The following BTNL9 variants were observed in gnomAD, a reference collection of about 807,000 sequenced individuals.
BTNL9 encodes the protein butyrophilin like 9.
BTNL9 carries 45 observed loss-of-function variants against 45.8 expected under a neutral mutation model. The observed-to-expected ratio is 0.98, with a 90% confidence interval of 0.77 to 1.26. The LOEUF (loss-of-function observed/expected upper bound fraction) is 1.26. BTNL9 is among the 50% of genes most tolerant of loss of function. The probability of loss-of-function intolerance (pLI) is 0.00; values close to 1 mark genes in which losing one functional copy is unlikely to be tolerated. For missense variants in BTNL9, 784 were observed against 729.7 expected, an observed-to-expected ratio of 1.07 and a Z score of -0.86; for synonymous variants, 346 against 330.8, an observed-to-expected ratio of 1.05 and a Z score of -0.50.
In BTNL9 at chr5:181,061,018, A is replaced by T. The variant is rs1366494358; in HGVS notation, c.*1156A>T. ...TGGTCTCAAACTCCTGCGCTCAAGC[A>T]ATCCTCCCACCTGGGCCTCCCAAAA... is the stretch of plus-strand genomic sequence containing the variant. On this transcript the variant is annotated 3_prime_UTR_variant, in exon 11 of 11. Transcript: ENST00000327705. 3.3e-5 allele frequency: 5 copies of T among 152,248 alleles called. No individual in the cohort carries two copies. The highest frequency in any genetic ancestry group is 3.3e-4 in the Admixed American group (5 of 15,272). The allele number at this position is 152,248 out of a possible 1,614,324, so 9.4% of individuals were successfully genotyped here.
rs979693707 is a variant in BTNL9 at position 181,055,701 on chromosome 5, G to A, written c.928+248G>A. On this transcript the variant is annotated intron_variant, in intron 8 of 10. Coordinates refer to ENST00000327705, the MANE Select transcript of BTNL9 (RefSeq NM_152547.5). This position sits in a 1 kb window ranked among gnomAD's most constrained non-coding sequence, Gnocchi z 4.4. Reference sequence around the variant, plus strand: ...GGAGAAGGGCGTGAACCCGGGAAGCGGAGCTTGCAGTGAGCCGAGATGGCG... The same window carrying A: ...GGAGAAGGGCGTGAACCCGGGAAGCAGAGCTTGCAGTGAGCCGAGATGGCG... 3.4e-5 allele frequency: 23 copies of A among 686,348 alleles called. No homozygotes were observed. Among genetic ancestry groups the A allele is most frequent in the South Asian group, 3.1e-4 (19 of 61,794 alleles). The allele number at this position is 686,348 out of a possible 1,614,324, so 42.5% of individuals were successfully genotyped here.
rs145061568 is a variant in BTNL9 at position 181,053,213 on chromosome 5, C to T, written c.750C>T (p.Pro250=). Residue 250 remains proline (P), a synonymous_variant, in exon 5 of 11, where the codon CCC becomes CCT. Coordinates refer to ENST00000327705, the MANE Select transcript of BTNL9 (RefSeq NM_152547.5). The surrounding 1 kb of genome is among the most constrained non-coding windows in gnomAD (Gnocchi z 6.5). ...LVVQIADVFV[P]GASAWKSAFV... is the part of the protein sequence containing the mutation. ...GGTGTTTTCCAGACGTGTTCGTACCCGGAGCCTCTGCGTGGAAGAGCGCGT... is the reference window on the plus strand; with the variant it reads ...GGTGTTTTCCAGACGTGTTCGTACCTGGAGCCTCTGCGTGGAAGAGCGCGT... 0.023 allele frequency: 36,457 copies of T among 1,581,732 alleles called. 487 individuals carry two copies. The highest frequency in any genetic ancestry group is 0.036 in the Middle Eastern group (217 of 5,946).
rs1760846077 is a variant in BTNL9, at chr5:181,042,804, G to A, written c.-24+2372G>A. On this transcript the variant is annotated intron_variant, in intron 1 of 10. Coordinates refer to ENST00000327705, the MANE Select transcript of BTNL9 (RefSeq NM_152547.5). The surrounding 1 kb of genome is among the most constrained non-coding windows in gnomAD (Gnocchi z 4.5). ...TTTTGTGGCTGGCACCGTGTGAGCC[G>A]GTCGCTTCTTCAGTGCCTCTGTGTG... Among the ~76,000 whole-genome samples, 1 of 152,150 alleles carries A rather than the reference G, an allele frequency of 6.6e-6. No individual in the cohort carries two copies. The highest frequency in any genetic ancestry group is 2.4e-5 in the African/African-American group (1 of 41,422).
chr5:181,055,698 A>C lies in BTNL9; in HGVS notation c.928+245A>C, dbSNP rs1761841570. 4 of 685,964 alleles carry C rather than the reference A, an allele frequency of 5.8e-6. No homozygotes were observed. Among genetic ancestry groups the C allele is most frequent in the East Asian group, 2.7e-5 (1 of 36,580 alleles). 42.5% of individuals were successfully genotyped at this position (685,964 alleles called of 1,614,324 possible). A position where few individuals can be genotyped will look rare whatever the true frequency, so the allele number is the denominator to read the frequency against. Reference sequence around the variant, plus strand: ...GCAGGAGAAGGGCGTGAACCCGGGAAGCGGAGCTTGCAGTGAGCCGAGATG... The same window carrying C: ...GCAGGAGAAGGGCGTGAACCCGGGACGCGGAGCTTGCAGTGAGCCGAGATG... On this transcript the variant is annotated intron_variant, in intron 8 of 10. Transcript: ENST00000327705. The surrounding 1 kb of genome is among the most constrained non-coding windows in gnomAD (Gnocchi z 4.4).
rs1050093379 is a variant in BTNL9 at position 181,042,543 on chromosome 5, G to A, written c.-24+2111G>A. On this transcript the variant is annotated intron_variant, in intron 1 of 10. Coordinates refer to ENST00000327705, the MANE Select transcript of BTNL9 (RefSeq NM_152547.5). This position sits in a 1 kb window ranked among gnomAD's most constrained non-coding sequence, Gnocchi z 4.5. ...CGGACGCACAGCAGCAAACGGGGAGGAGGGTGCTGTCCAGGAGCCGCTGAC... is the reference window on the plus strand; with the variant it reads ...CGGACGCACAGCAGCAAACGGGGAGAAGGGTGCTGTCCAGGAGCCGCTGAC... 6.6e-6 allele frequency among the ~76,000 whole-genome samples: 1 copy of A among 152,152 alleles called. No homozygotes were observed. The highest frequency in any genetic ancestry group is 2.4e-5 in the African/African-American group (1 of 41,428).
At chr5:181,046,978 C>T (rs1582123086) in intron 2 of BTNL9, among the ~76,000 whole-genome samples, 1 of 152,144 alleles carries the variant, frequency 6.6e-6, no homozygotes, top group East Asian at 1.9e-4. Context: ...TGGATACTCA[C>T]CCAGCGGGCA....
At chr5:181,051,310 C>T (rs189283755) in intron 4 of BTNL9, among the ~76,000 whole-genome samples, 4 of 152,092 alleles carry the variant, frequency 2.6e-5, no homozygotes, top group African/African-American at 9.6e-5. Context: ...AAGGACAAAC[C>T]CAACATACGG....
chr5:181,055,460 G>A lies in BTNL9; in HGVS notation c.928+7G>A, dbSNP rs1761826461. Reference sequence around the variant, plus strand: ...AAGCTTCAGACAGAGCTTGGTAAGTGACCCCTCTTAGAACTATTTCTCCTC... The same window carrying A: ...AAGCTTCAGACAGAGCTTGGTAAGTAACCCCTCTTAGAACTATTTCTCCTC... On this transcript the variant is annotated splice_region_variant and intron_variant, in intron 8 of 10. Transcript: ENST00000327705. The surrounding 1 kb of genome is among the most constrained non-coding windows in gnomAD (Gnocchi z 4.4). 9 of 1,613,992 alleles carry A rather than the reference G, an allele frequency of 5.6e-6. No homozygotes were observed. Among genetic ancestry groups the A allele is most frequent in the Non-Finnish European group, 7.6e-6 (9 of 1,180,038 alleles).
At position 181,055,709 on chromosome 5, in the gene BTNL9, C is replaced by T. The variant is rs1163182273; in HGVS notation, c.928+256C>T. ...GCGTGAACCCGGGAAGCGGAGCTTGCAGTGAGCCGAGATGGCGCCACTGCA... is the reference window on the plus strand; with the variant it reads ...GCGTGAACCCGGGAAGCGGAGCTTGTAGTGAGCCGAGATGGCGCCACTGCA... On this transcript the variant is annotated intron_variant, in intron 8 of 10. Coordinates refer to ENST00000327705, the MANE Select transcript of BTNL9 (RefSeq NM_152547.5). This position sits in a 1 kb window ranked among gnomAD's most constrained non-coding sequence, Gnocchi z 4.4. The T allele has an allele frequency of 1.3e-5, 9 of 689,546 alleles. No homozygotes were observed. The highest frequency in any genetic ancestry group is 9.5e-5 in the South Asian group (6 of 63,160). The allele number at this position is 689,546 out of a possible 1,614,324, so 42.7% of individuals were successfully genotyped here. A position where few individuals can be genotyped will look rare whatever the true frequency, so the allele number is the denominator to read the frequency against.
Position 181,055,471 on chromosome 5 carries a change from G to C in BTNL9, c.928+18G>C, listed in dbSNP as rs1296725927. On this transcript the variant is annotated intron_variant, in intron 8 of 10. Coordinates refer to ENST00000327705, the MANE Select transcript of BTNL9 (RefSeq NM_152547.5). The surrounding 1 kb of genome is among the most constrained non-coding windows in gnomAD (Gnocchi z 4.4). ...AGAGCTTGGTAAGTGACCCCTCTTA[G>C]AACTATTTCTCCTCAGGGCCGGGTC... The C allele has an allele frequency of 1.2e-6, 2 of 1,613,914 alleles. No homozygotes were observed. Among genetic ancestry groups the C allele is most frequent in the East Asian group, 4.5e-5 (2 of 44,876 alleles).
Position 181,053,323 on chromosome 5 carries a change from G to C in BTNL9, c.853+7G>C. The C allele has an allele frequency of 6.5e-7, 1 of 1,545,760 alleles. No individual in the cohort carries two copies. The highest frequency in any genetic ancestry group is 8.7e-7 in the Non-Finnish European group (1 of 1,147,696). On this transcript the variant is annotated splice_region_variant and intron_variant, in intron 5 of 10. Transcript: ENST00000327705. This position sits in a 1 kb window ranked among gnomAD's most constrained non-coding sequence, Gnocchi z 6.5. ...AAGCAGCGGAGAAGCCGAGGTACCG[G>C]CGCGGGCGGCGGGGCGGGGAGGGGC...
At chr5:181,051,502 A>C (rs925361402) in intron 4 of BTNL9, among the ~76,000 whole-genome samples, 1 of 152,202 alleles carries the variant, frequency 6.6e-6, no homozygotes, top group Non-Finnish European at 1.5e-5. Flanking sequence ...ATTCCGTGGG[A>C]ATTGGGATGG....
chr5:181,047,856 T>C lies in BTNL9; in HGVS notation c.110-71T>C. The C allele has an allele frequency of 2.3e-6, 3 of 1,305,122 alleles. No homozygotes were observed. The South Asian group carries it at 4.1e-5, about 18-fold the overall frequency. 80.8% of individuals were successfully genotyped at this position (1,305,122 alleles called of 1,614,324 possible). A position where few individuals can be genotyped will look rare whatever the true frequency, so the allele number is the denominator to read the frequency against. On this transcript the variant is annotated intron_variant, in intron 2 of 10. Coordinates refer to ENST00000327705, the MANE Select transcript of BTNL9 (RefSeq NM_152547.5). ...TGGTTTACTGTAGATTCCTCAGCTA[T>C]AAAGGGGTGTGATAACTTTTTTAAA...
At position 181,055,370 on chromosome 5, in the gene BTNL9, G is replaced by C. The variant is rs915840793; in HGVS notation, c.908-63G>C. The C allele has an allele frequency of 3.7e-6, 6 of 1,613,904 alleles. No individual in the cohort carries two copies. The African/African-American group carries it at 8.0e-5, about 22-fold the overall frequency. ...CTAAGGAAGCTCTTCCCAGTGGCCT[G>C]TCTTGGGAAGATGGTTCCACCCACC... On this transcript the variant is annotated intron_variant, in intron 7 of 10. Transcript: ENST00000327705. The surrounding 1 kb of genome is among the most constrained non-coding windows in gnomAD (Gnocchi z 4.4).
At chr5:181,048,776 T>C (rs193083305) in intron 3 of BTNL9, among the ~76,000 whole-genome samples, 3 of 46,354 alleles carry the variant, frequency 6.5e-5, no homozygotes, top group African/African-American at 1.8e-4. Flanking sequence ...TATAGTATGC[T>C]ATATATTAAT....
At chr5:181,056,637 C>A in intron 9 of BTNL9, 1 of 717,208 alleles carries the variant, frequency 1.4e-6, no homozygotes, top group South Asian at 1.5e-5. Context: ...TGTTGCCTTA[C>A]GGCGCTGTGT....
chr5:181,060,160 A>C lies in BTNL9; in HGVS notation c.*298A>C. ...GGCGGTGGGCAAGAAGCCAGCATGG[A>C]AGAAAGAAGGGAGAAAACTTTGGTG... On this transcript the variant is annotated 3_prime_UTR_variant, in exon 11 of 11. Coordinates refer to ENST00000327705, the MANE Select transcript of BTNL9 (RefSeq NM_152547.5). 4.8e-6 allele frequency: 2 copies of C among 415,454 alleles called. No homozygotes were observed. Among genetic ancestry groups the C allele is most frequent in the South Asian group, 1.3e-4 (2 of 14,976 alleles). 25.7% of individuals were successfully genotyped at this position (415,454 alleles called of 1,614,324 possible).
intron 2 of BTNL9, among the ~76,000 whole-genome samples, chr5:181,045,875 C>G (rs1761100862): frequency 1.0e-5 from 1 of 95,372 alleles, no homozygotes; most frequent in Non-Finnish European, 2.2e-5. Flanking sequence ...GTTCCTCCAC[C>G]ATCTCCCCAG....
In BTNL9 at chr5:181,055,345, C is replaced by G; in HGVS notation, c.908-88C>G. ...AGCTGTGATTAGCAGTGGCTTAAGA[C>G]TAAGGAAGCTCTTCCCAGTGGCCTG... is the stretch of plus-strand genomic sequence containing the variant. On this transcript the variant is annotated intron_variant, in intron 7 of 10. Coordinates refer to ENST00000327705, the MANE Select transcript of BTNL9 (RefSeq NM_152547.5). This position sits in a 1 kb window ranked among gnomAD's most constrained non-coding sequence, Gnocchi z 4.4. 1 of 1,610,488 alleles carries G rather than the reference C, an allele frequency of 6.2e-7. No homozygotes were observed. Among genetic ancestry groups the G allele is most frequent in the Non-Finnish European group, 8.5e-7 (1 of 1,178,696 alleles).
Sources: gnomAD v4.1 joint callset for allele counts (sites outside exome capture counted in the v4.1 genomes callset) on GRCh38, gnomAD v4.1.1 for gene constraint, Gnocchi (gnomAD v3.1) non-coding constraint, MANE v1.5 for transcripts, NCBI Gene and HGNC (gene_info 2026-07-23, HGNC 2026-07-21) for gene names.